Variants in RAP1GAP2 observed in about 807,000 individuals in gnomAD.
RAP1GAP2 encodes RAP1 GTPase activating protein 2, also known as rap1 GTPase-activating protein 2.
RAP1GAP2 carries 27 observed loss-of-function variants against 95.0 expected under a neutral mutation model. That is an observed-to-expected ratio of 0.28 (90% CI 0.21 to 0.39). The LOEUF is 0.39. Ranked by LOEUF, RAP1GAP2 falls within the 10% of genes least tolerant of loss-of-function variation. The probability of loss-of-function intolerance (pLI) is 1.00; values close to 1 mark genes in which losing one functional copy is unlikely to be tolerated. For synonymous variants in RAP1GAP2, 373 were observed against 380.9 expected (o/e 0.98, Z 0.24); for missense variants, 771 against 970.0 (o/e 0.79, Z 2.72).
rs539281644 is a variant in RAP1GAP2 at position 2,859,966 on chromosome 17, A to G, written c.81-45318A>G. Among the ~76,000 whole-genome samples the G allele has an allele frequency of 2.0e-4, 29 of 144,886 alleles. No homozygotes were observed. In the South Asian group the frequency reaches 4.8e-3, roughly 24 times the overall value. On this transcript the variant is annotated intron_variant, in intron 2 of 24. Coordinates refer to ENST00000254695, the MANE Select transcript of RAP1GAP2 (RefSeq NM_015085.5). The stretch of plus-strand genomic sequence containing the variant: ...TTTTTGGCAAGATCGTGCCATTAGT[A>G]ATTGTGTAGTTGTCTCTTTTTGCGA...
chr17:2,929,615 C>T (rs1018211840), intron 3 of RAP1GAP2, among the ~76,000 whole-genome samples: 60 of 152,162 alleles, frequency 3.9e-4, no homozygotes, highest in African/African-American at 1.4e-3. Flanking sequence ...CTGCATGTGC[C>T]TCATGCTTGC....
At chr17:2,760,075 T>C (rs1481370464) in intron 1 of RAP1GAP2, among the ~76,000 whole-genome samples, 1 of 151,840 alleles carries the variant, frequency 6.6e-6, no homozygotes, top group African/African-American at 2.4e-5. Context: ...ATCTCACTGA[T>C]GAAAAATGGT....
intron 10 of RAP1GAP2, among the ~76,000 whole-genome samples, chr17:2,981,493 G>A (rs2151538184): frequency 6.6e-6 from 1 of 152,310 alleles, no homozygotes; most frequent in East Asian, 1.9e-4. Context: ...AGGTGACAGA[G>A]GGTAGCAGTG....
intron 1 of RAP1GAP2, 99 bp from the exon 2 acceptor site, chr17:2,800,416 T>C: frequency 7.0e-7 from 1 of 1,435,810 alleles, no homozygotes; most frequent in Non-Finnish European, 9.6e-7. Context: ...AGCCCTGCTG[T>C]CTGGTGGTTT....
rs895079868 is a variant in RAP1GAP2, at chr17:2,902,551, C to G, written c.81-2733C>G. Among the ~76,000 whole-genome samples, 1 of 152,116 alleles carries G rather than the reference C, an allele frequency of 6.6e-6. No homozygotes were observed. Among genetic ancestry groups the G allele is most frequent in the Non-Finnish European group, 1.5e-5 (1 of 68,006 alleles). On this transcript the variant is annotated intron_variant, in intron 2 of 24. Transcript: ENST00000254695. The surrounding 1 kb of genome is among the most constrained non-coding windows in gnomAD (Gnocchi z 4.1). ...GATGTTTTTGAGGGTGGCAGTCATG[C>G]CTTCTGCCCACCCTGGCACCCCCTC...
At chr17:2,833,789 G>A (rs1201349505) in intron 2 of RAP1GAP2, among the ~76,000 whole-genome samples, 1 of 151,776 alleles carries the variant, frequency 6.6e-6, no homozygotes, top group Non-Finnish European at 1.5e-5. Context: ...GTGAATCCTA[G>A]ATGTGAGATT....
chr17:2,916,298 G>A (rs542952180), intron 3 of RAP1GAP2, among the ~76,000 whole-genome samples: 9 of 152,270 alleles, frequency 5.9e-5, no homozygotes, highest in Middle Eastern at 6.8e-3. Flanking sequence ...TTTGGCTCCC[G>A]TGGCAGATAC....
In RAP1GAP2 at chr17:2,797,488, G is replaced by A. The variant is rs1319768796; in HGVS notation, c.44+917G>A. Among the ~76,000 whole-genome samples the A allele has an allele frequency of 6.6e-6, 1 of 152,056 alleles. No homozygotes were observed. The highest frequency in any genetic ancestry group is 1.9e-4 in the East Asian group (1 of 5,154). ...TTGTCAGACTGGGAGAGGGCCCCGC[G>A]GGAGGTGGCCGGGGGGTGTCCCGGT... On this transcript the variant is annotated intron_variant, in intron 1 of 24. Transcript: ENST00000254695. This position sits in a 1 kb window ranked among gnomAD's most constrained non-coding sequence, Gnocchi z 5.6.
intron 2 of RAP1GAP2, among the ~76,000 whole-genome samples, chr17:2,810,025 T>G (rs138327770): frequency 1.0e-4 from 6 of 59,514 alleles, no homozygotes; most frequent in Middle Eastern, 9.3e-3. Context: ...GACCCTCCCC[T>G]CCCCCCGCCC....
At position 2,981,229 on chromosome 17, in the gene RAP1GAP2, A is replaced by G. The variant is rs367931879; in HGVS notation, c.710A>G (p.Asn237Ser). Residue 237 changes from asparagine to serine, a missense_variant, in exon 10 of 25, where the codon AAT becomes AGT. Physicochemically the swap from Asn to Ser is conservative, Grantham distance 46 (BLOSUM62 1). Coordinates refer to ENST00000254695, the MANE Select transcript of RAP1GAP2 (RefSeq NM_015085.5). ...FCDDAVGLRF[N>S]PVLYPKASQM... ...GATGATGCAGTGGGACTGAGATTCA[A>G]TCCTGTCCTGTACCCCAAGGTAAGG... 20 of 1,612,178 alleles carry G rather than the reference A, an allele frequency of 1.2e-5. No individual in the cohort carries two copies. The highest frequency in any genetic ancestry group is 4.0e-5 in the African/African-American group (3 of 74,850).
Position 2,903,257 on chromosome 17 carries a change from A to T in RAP1GAP2, c.81-2027A>T, listed in dbSNP as rs2042083694. 6.6e-6 allele frequency among the ~76,000 whole-genome samples: 1 copy of T among 151,832 alleles called. No homozygotes were observed. Among genetic ancestry groups the T allele is most frequent in the African/African-American group, 2.4e-5 (1 of 41,334 alleles). ...TGCTTGATCATTCTTCCTTTCCCCC[A>T]TCATGGCTCTTAAAGGCCAGGCCCA... On this transcript the variant is annotated intron_variant, in intron 2 of 24. Transcript: ENST00000254695. The surrounding 1 kb of genome is among the most constrained non-coding windows in gnomAD (Gnocchi z 4.1).
chr17:2,764,549 C>T (rs568407189), intron 1 of RAP1GAP2, among the ~76,000 whole-genome samples: 26 of 151,050 alleles, frequency 1.7e-4, no homozygotes, highest in Non-Finnish European at 3.0e-4. Flanking sequence ...GGTGAAACCC[C>T]GTCTCTACTA....
rs370287991 is a variant in RAP1GAP2, at chr17:2,869,787, T to A, written c.81-35497T>A. 1.8e-3 allele frequency among the ~76,000 whole-genome samples: 267 copies of A among 152,340 alleles called. 1 individual carries two copies. Among genetic ancestry groups the A allele is most frequent in the African/African-American group, 5.6e-3 (233 of 41,586 alleles). ...CTCCCTTCTCATCCTGACATTTCCC[T>A]TTCCTGCAGTCTTGGGCTCATGGCC... On this transcript the variant is annotated intron_variant, in intron 2 of 24. Transcript: ENST00000254695.
rs530250515 is a variant in RAP1GAP2 at position 2,957,665 on chromosome 17, G to C, written c.166-94G>C. 6 of 1,377,992 alleles carry C rather than the reference G, an allele frequency of 4.4e-6. No individual in the cohort carries two copies. In the African/African-American group the frequency reaches 8.8e-5, roughly 20 times the overall value. The allele number at this position is 1,377,992 out of a possible 1,614,324, so 85.4% of individuals were successfully genotyped here. A position where few individuals can be genotyped will look rare whatever the true frequency, so the allele number is the denominator to read the frequency against. On this transcript the variant is annotated intron_variant, in intron 3 of 24. Transcript: ENST00000254695. ...GAATTTTGTCCCTGGGGAAGCCCCA[G>C]GCTCAGCTTCCTGATAGTTGGTGAG...
rs772443966 is a variant in RAP1GAP2 at position 3,003,017 on chromosome 17, T to C, written c.1201-2352T>C. On this transcript the variant is annotated intron_variant, in intron 14 of 24. Transcript: ENST00000254695. The surrounding 1 kb of genome is among the most constrained non-coding windows in gnomAD (Gnocchi z 4.1). ...CCACTGGGCGACAGTGGTTACCCCT[T>C]ACCAGCTGCTTGCTCATGCCAGGCA... is the stretch of plus-strand genomic sequence containing the variant. 6.6e-6 allele frequency among the ~76,000 whole-genome samples: 1 copy of C among 152,146 alleles called. No homozygotes were observed.
intron 3 of RAP1GAP2, among the ~76,000 whole-genome samples, chr17:2,917,601 C>T (rs2042613346): frequency 6.6e-6 from 1 of 152,078 alleles, no homozygotes. Flanking sequence ...GACGGGGTTT[C>T]ACCATGTTGG....
intron 1 of RAP1GAP2, among the ~76,000 whole-genome samples, chr17:2,766,821 T>C (rs918752198): frequency 2.6e-5 from 4 of 152,104 alleles, no homozygotes; most frequent in Non-Finnish European, 4.4e-5. Context: ...ATGCAGTCTA[T>C]GCTATTTGAT....
chr17:2,813,962 C>CAA (rs140237104), intron 2 of RAP1GAP2, among the ~76,000 whole-genome samples: 9 of 150,550 alleles, frequency 6.0e-5, no homozygotes, highest in South Asian at 2.1e-4. Flanking sequence ...GACTCCATCT[C>CAA]AAAAAAAAGA....
chr17:2,963,303 C>T lies in RAP1GAP2; in HGVS notation c.247-127C>T. 9.4e-7 allele frequency: 1 copy of T among 1,060,824 alleles called. No individual in the cohort carries two copies. The highest frequency in any genetic ancestry group is 1.7e-5 in the Admixed American group (1 of 57,494). The allele number at this position is 1,060,824 out of a possible 1,614,324, so 65.7% of individuals were successfully genotyped here. On this transcript the variant is annotated intron_variant, in intron 5 of 24. Transcript: ENST00000254695. The surrounding 1 kb of genome is among the most constrained non-coding windows in gnomAD (Gnocchi z 4.8). The stretch of plus-strand genomic sequence containing the variant: ...ATTCCAGAGCTGATTCTGAGCTGTT[C>T]TTCCATCGAATGTTCCTCCCTCAAA...
Sources: gnomAD v4.1 joint callset for allele counts (sites outside exome capture counted in the v4.1 genomes callset) on GRCh38, gnomAD v4.1.1 for gene constraint, Gnocchi (gnomAD v3.1) non-coding constraint, MANE v1.5 for transcripts, NCBI Gene and HGNC (gene_info 2026-07-23, HGNC 2026-07-21) for gene names.